ETFA: variants seen among roughly 807,000 people sequenced by gnomAD.
ETFA encodes the protein electron transfer flavoprotein subunit alpha, mitochondrial.
In ETFA, 22 loss-of-function variants were observed where a neutral mutation model predicts 46.2. The ratio of observed to expected loss-of-function variants is 0.48; its 90% CI spans 0.34 to 0.68. ETFA has a LOEUF of 0.68. ETFA is among the 30% of genes least tolerant of loss of function. The pLI, the probability that ETFA is intolerant of heterozygous loss-of-function variation, is 0.01. For synonymous variants in ETFA, 131 were observed against 139.9 expected (o/e 0.94, Z 0.45); for missense variants, 345 against 401.1 (o/e 0.86, Z 1.19).
intron 11 of ETFA, among the ~76,000 whole-genome samples, chr15:76,223,898 A>C (rs542485282): frequency 1.3e-5 from 2 of 152,216 alleles, no homozygotes; most frequent in African/African-American, 2.4e-5. Flanking sequence ...GAACACTGAA[A>C]ATTTCCAACT....
intron 8 of ETFA, among the ~76,000 whole-genome samples, chr15:76,281,939 T>G (rs1441701245): frequency 4.5e-5 from 6 of 134,346 alleles, no homozygotes; most frequent in Non-Finnish European, 9.2e-5. Context: ...CATCTCACTC[T>G]GTTACCCAGG....
At chr15:76,274,562 T>G (rs764983872) in intron 8 of ETFA, 68 bp from the exon 9 acceptor site, 24 of 1,216,680 alleles carry the variant, frequency 2.0e-5, no homozygotes, top group Non-Finnish European at 2.9e-5. Context: ...TATTCACTGA[T>G]AACTGTAAAC....
intron 9 of ETFA, among the ~76,000 whole-genome samples, chr15:76,262,975 CG>C (rs1207337395): frequency 6.6e-6 from 1 of 152,164 alleles, no homozygotes; most frequent in African/African-American, 2.4e-5. Flanking sequence ...TGTGTCAGGA[CG>C]GCCCCGGTAG....
intron 11 of ETFA, among the ~76,000 whole-genome samples, chr15:76,222,838 A>G (rs1393850679): frequency 6.8e-6 from 1 of 146,812 alleles, no homozygotes; most frequent in African/African-American, 2.5e-5. Flanking sequence ...CCCAAACTGA[A>G]TTTTTTTTTT....
chr15:76,272,038 G>T lies in ETFA; in HGVS notation c.816+2374C>A, dbSNP rs908531295. 7.3e-5 allele frequency among the ~76,000 whole-genome samples: 11 copies of T among 151,642 alleles called. No individual in the cohort carries two copies. In the South Asian group the frequency reaches 1.0e-3, roughly 14 times the overall value. ...TTTCCTTATGAAAAAAAATTTCGATGGTTCTATATCCATAAGAGTAATATT... is the reference window on the plus strand; with the variant it reads ...TTTCCTTATGAAAAAAAATTTCGATTGTTCTATATCCATAAGAGTAATATT... On this transcript the variant is annotated intron_variant, in intron 9 of 11. Coordinates refer to ENST00000557943, the MANE Select transcript of ETFA (RefSeq NM_000126.4).
At chr15:76,225,950 G>A (rs771151007) in intron 10 of ETFA, 21 bp from the exon 11 acceptor site, 59 of 1,489,268 alleles carry the variant, frequency 4.0e-5, no homozygotes, top group Non-Finnish European at 5.3e-5. Flanking sequence ...AAAACAAAGA[G>A]TTTGACTTTT....
chr15:76,228,422 G>A (rs994246803), intron 10 of ETFA, among the ~76,000 whole-genome samples: 3 of 152,154 alleles, frequency 2.0e-5, no homozygotes, highest in Non-Finnish European at 4.4e-5. Flanking sequence ...CTGGACTCAA[G>A]TGATCCTCCT....
At chr15:76,219,595 C>G (rs2038938123) in intron 11 of ETFA, among the ~76,000 whole-genome samples, 1 of 152,120 alleles carries the variant, frequency 6.6e-6, no homozygotes, top group South Asian at 2.1e-4. Flanking sequence ...TGTTTAGTAT[C>G]CAGAATATGT....
At chr15:76,303,198 T>C (rs62027048) in intron 1 of ETFA, among the ~76,000 whole-genome samples, 42,966 of 151,758 alleles carry the variant, frequency 0.28, 6,482 homozygotes, top group East Asian at 0.57. Flanking sequence ...ATCCCAGCTC[T>C]TCCGAAGGCT....
chr15:76,246,829 G>A (rs1229922489), intron 9 of ETFA, among the ~76,000 whole-genome samples: 7 of 149,566 alleles, frequency 4.7e-5, no homozygotes, highest in Non-Finnish European at 7.4e-5. Flanking sequence ...CCAAGACTCC[G>A]TCTCAAAAAA....
At chr15:76,267,742 T>C (rs1334065823) in intron 9 of ETFA, among the ~76,000 whole-genome samples, 1 of 152,074 alleles carries the variant, frequency 6.6e-6, no homozygotes, top group Non-Finnish European at 1.5e-5. Flanking sequence ...TTTAAATTTA[T>C]AAAAAGATCA....
chr15:76,285,541 A>T, intron 7 of ETFA, 96 bp downstream of exon 7: 1 of 745,574 alleles, frequency 1.3e-6, no homozygotes, highest in Non-Finnish European at 2.3e-6. Flanking sequence ...CTTACATTTG[A>T]AAAAGATCTG....
chr15:76,268,275 T>C, intron 9 of ETFA, among the ~76,000 whole-genome samples: 1 of 149,550 alleles, frequency 6.7e-6, no homozygotes, highest in East Asian at 2.0e-4. Context: ...TTGCAGGAGA[T>C]GAAAAAACTG....
intron 2 of ETFA, 28 bp downstream of exon 2, chr15:76,295,563 G>A: frequency 6.3e-7 from 1 of 1,594,158 alleles, no homozygotes; most frequent in Non-Finnish European, 8.6e-7. Flanking sequence ...GATAATATTT[G>A]CTATGGCTGA....
intron 8 of ETFA, among the ~76,000 whole-genome samples, chr15:76,281,805 T>C (rs2039654818): frequency 6.6e-6 from 1 of 151,704 alleles, no homozygotes; most frequent in African/African-American, 2.4e-5. Flanking sequence ...GAATATTACC[T>C]ACGTGGCAGC....
chr15:76,249,129 A>ATTTT (rs71143303), intron 9 of ETFA, among the ~76,000 whole-genome samples: 3 of 140,678 alleles, frequency 2.1e-5, no homozygotes, highest in Non-Finnish European at 3.1e-5. Flanking sequence ...TACCATAGTA[A>ATTTT]TTTTTTTTTT....
chr15:76,261,041 T>C (rs1371685203), intron 9 of ETFA: 3 of 1,592,266 alleles, frequency 1.9e-6, no homozygotes, highest in Non-Finnish European at 2.6e-6. Flanking sequence ...CAGGCAGTGC[T>C]TGAAGGAGAA....
chr15:76,310,094 A>AAAAAAAAAAAAAAAAAAAAC (rs1347662210), intron 1 of ETFA: 1 of 154,478 alleles, frequency 6.5e-6, no homozygotes, highest in African/African-American at 2.7e-5. Flanking sequence ...AAAAAAAAAA[A>AAAAAAAAAAAAAAAAAAAAC]AATTAGCCAG....
At chr15:76,297,057 C>T (rs2039832216) in intron 1 of ETFA, among the ~76,000 whole-genome samples, 1 of 152,126 alleles carries the variant, frequency 6.6e-6, no homozygotes, top group African/African-American at 2.4e-5. Flanking sequence ...GATCAAATGG[C>T]ATGGTTACGT....
Sources: allele counts gnomAD v4.1 joint callset (sites outside exome capture counted in the v4.1 genomes callset), GRCh38; gene constraint gnomAD v4.1.1; transcripts MANE v1.5; gene names NCBI Gene and HGNC (gene_info 2026-07-23, HGNC 2026-07-21).